The following BTBD9 variants were observed in gnomAD, a reference collection of about 807,000 sequenced individuals.
BTBD9 encodes the protein BTB/POZ domain-containing protein 9.
Under a neutral mutation model 64.3 loss-of-function variants are expected in BTBD9, and 49 were observed. The ratio of observed to expected loss-of-function variants is 0.76; its 90% CI spans 0.61 to 0.97. BTBD9 has a LOEUF of 0.97. BTBD9 is among the 50% of genes least tolerant of loss of function. The pLI, the probability that BTBD9 is intolerant of heterozygous loss-of-function variation, is 0.00. For missense variants in BTBD9, 598 were observed against 762.1 expected (o/e 0.78, Z 2.53); for synonymous variants, 260 against 274.7 (o/e 0.95, Z 0.53).
chr6:38,585,493 A>T (rs982679578), intron 4 of BTBD9, among the ~76,000 whole-genome samples: 2 of 152,160 alleles, frequency 1.3e-5, no homozygotes, highest in African/African-American at 4.8e-5. Context: ...AAAATTTTTT[A>T]GAGACTGCAT....
At chr6:38,409,889 G>A (rs1265950332) in intron 6 of BTBD9, among the ~76,000 whole-genome samples, 1 of 151,986 alleles carries the variant, frequency 6.6e-6, no homozygotes, top group Non-Finnish European at 1.5e-5. Flanking sequence ...GGTTGTACAA[G>A]TGTGTGATTT....
intron 6 of BTBD9, among the ~76,000 whole-genome samples, chr6:38,553,577 A>G (rs144251788): frequency 6.6e-6 from 1 of 152,348 alleles, no homozygotes; most frequent in Non-Finnish European, 1.5e-5. Context: ...AAGATTCTAG[A>G]CAATGTAGGA....
chr6:38,573,613 T>C (rs566505449), intron 6 of BTBD9, among the ~76,000 whole-genome samples: 2 of 152,312 alleles, frequency 1.3e-5, no homozygotes, highest in South Asian at 4.1e-4. Context: ...AGCCCTGCTT[T>C]CTTCTCTCTC....
At chr6:38,439,930 G>C (rs1285244904) in intron 6 of BTBD9, among the ~76,000 whole-genome samples, 2 of 152,148 alleles carry the variant, frequency 1.3e-5, no homozygotes, top group Non-Finnish European at 1.5e-5. Context: ...ACAGAATGAT[G>C]GCCTAAGCAA....
At chr6:38,297,656 T>C (rs2127561102) in intron 7 of BTBD9, among the ~76,000 whole-genome samples, 1 of 152,242 alleles carries the variant, frequency 6.6e-6, no homozygotes, top group East Asian at 1.9e-4. Context: ...TGGTCTCTTG[T>C]AAATAACATA....
rs904134547 is a variant in BTBD9, at chr6:38,288,313, A to G, written c.1413T>C (p.Ile471=). Residue 471 remains isoleucine, a synonymous_variant, in exon 8 of 11, where the codon ATT becomes ATC. Coordinates refer to ENST00000481247, the MANE Select transcript of BTBD9 (RefSeq NM_001099272.2). ...TGTACGGTTGTGCCAACTGAACCAC[A>G]ATCGCACCACTTCCTAGCTGGTGAC... ...YTCHQLGSGA[I]VVQLAQPYMI... 1 of 1,614,032 alleles carries G rather than the reference A, an allele frequency of 6.2e-7. No individual in the cohort carries two copies. Among genetic ancestry groups the G allele is most frequent in the African/African-American group, 1.3e-5 (1 of 74,918 alleles).
chr6:38,425,221 T>C (rs1381936848), intron 6 of BTBD9, among the ~76,000 whole-genome samples: 1 of 151,190 alleles, frequency 6.6e-6, no homozygotes, highest in Non-Finnish European at 1.5e-5. Flanking sequence ...TTCTCCTGCC[T>C]CAGCCTCCTG....
intron 6 of BTBD9, among the ~76,000 whole-genome samples, chr6:38,479,797 C>T (rs1771050823): frequency 6.6e-6 from 1 of 152,166 alleles, no homozygotes; most frequent in South Asian, 2.1e-4. Context: ...GGCGTGATCT[C>T]GGCTCACTGC....
intron 7 of BTBD9, among the ~76,000 whole-genome samples, chr6:38,291,965 C>CTT (rs562126426): frequency 0.067 from 9,552 of 142,978 alleles, 835 homozygotes; most frequent in East Asian, 0.39. Flanking sequence ...TTTTTTCTTT[C>CTT]TTTTTTTTTT....
chr6:38,246,462 G>A (rs889459027), intron 9 of BTBD9, among the ~76,000 whole-genome samples: 1 of 114,908 alleles, frequency 8.7e-6, no homozygotes, highest in Admixed American at 1.1e-4. Flanking sequence ...GTGCACGTAC[G>A]TGTGTGTGTG....
chr6:38,389,174 A>G (rs1236468993), intron 6 of BTBD9, among the ~76,000 whole-genome samples: 1 of 152,192 alleles, frequency 6.6e-6, no homozygotes, highest in African/African-American at 2.4e-5. Context: ...CATATATTAT[A>G]TCTATGGCCA....
At chr6:38,629,970 G>A (rs1303968266) in intron 1 of BTBD9, among the ~76,000 whole-genome samples, 1 of 152,050 alleles carries the variant, frequency 6.6e-6, no homozygotes, top group Non-Finnish European at 1.5e-5. Context: ...CACTTTGGGA[G>A]GCCAAGGTGG....
intron 7 of BTBD9, among the ~76,000 whole-genome samples, chr6:38,301,752 T>TAG (rs1762411534): frequency 6.6e-6 from 1 of 152,208 alleles, no homozygotes; most frequent in African/African-American, 2.4e-5. Context: ...TTCTCTCTTT[T>TAG]CTTCTATATT....
At chr6:38,270,481 C>CA (rs1439331151) in intron 8 of BTBD9, among the ~76,000 whole-genome samples, 1 of 152,126 alleles carries the variant, frequency 6.6e-6, no homozygotes, top group Admixed American at 6.6e-5. Flanking sequence ...CCCACTCTGG[C>CA]ACTGAATCCC....
At chr6:38,319,715 A>G (rs1318963164) in intron 7 of BTBD9, among the ~76,000 whole-genome samples, 2 of 151,650 alleles carry the variant, frequency 1.3e-5, no homozygotes, top group African/African-American at 4.8e-5. Context: ...AAGCAGAAGA[A>G]AAGGGTCACT....
intron 6 of BTBD9, among the ~76,000 whole-genome samples, chr6:38,566,326 A>G (rs1168141786): frequency 6.6e-6 from 1 of 152,118 alleles, no homozygotes; most frequent in Non-Finnish European, 1.5e-5. Flanking sequence ...AGTCAAGTAT[A>G]TGAATCTATA....
At chr6:38,278,625 A>T (rs1242668651) in intron 8 of BTBD9, among the ~76,000 whole-genome samples, 3 of 152,226 alleles carry the variant, frequency 2.0e-5, no homozygotes, top group Admixed American at 6.5e-5. Context: ...GATGAAACTC[A>T]AACTATGCTT....
At chr6:38,189,841 T>G (rs1313113859) in intron 10 of BTBD9, among the ~76,000 whole-genome samples, 2 of 152,096 alleles carry the variant, frequency 1.3e-5, no homozygotes, top group Non-Finnish European at 2.9e-5. Context: ...GTCCAGCTAA[T>G]TTTTGTATTT....
intron 6 of BTBD9, among the ~76,000 whole-genome samples, chr6:38,429,547 C>T (rs1427219995): frequency 2.0e-5 from 3 of 151,716 alleles, no homozygotes; most frequent in Non-Finnish European, 4.4e-5. Context: ...AAATGTTAAC[C>T]TATCCTTCCT....
Sources: allele counts gnomAD v4.1 joint callset (sites outside exome capture counted in the v4.1 genomes callset), GRCh38; gene constraint gnomAD v4.1.1; transcripts MANE v1.5; gene names NCBI Gene and HGNC (gene_info 2026-07-23, HGNC 2026-07-21).